CALN1: variants seen among roughly 807,000 people sequenced by gnomAD.
CALN1 encodes the protein calcium-binding protein 8.
CALN1 carries 17 observed loss-of-function variants against 30.6 expected under a neutral mutation model. The observed-to-expected ratio is 0.56, with a 90% confidence interval of 0.38 to 0.83. The LOEUF (loss-of-function observed/expected upper bound fraction) is 0.83. Among genes scored for constraint, CALN1 ranks in the 40% least tolerant of loss-of-function variants. The pLI is 0.00. For missense variants in CALN1, 291 were observed against 354.9 expected (o/e 0.82, Z 1.45); for synonymous variants, 156 against 131.4 (o/e 1.19, Z -1.28).
chr7:72,105,255 C>T (rs1009346597), intron 4 of CALN1, among the ~76,000 whole-genome samples: 4 of 152,158 alleles, frequency 2.6e-5, no homozygotes, highest in African/African-American at 9.7e-5. Context: ...TTAACTACAG[C>T]GGGACAGTTA....
intron 6 of CALN1, among the ~76,000 whole-genome samples, chr7:71,798,214 T>C (rs1262026342): frequency 6.7e-6 from 1 of 149,548 alleles, no homozygotes; most frequent in Non-Finnish European, 1.5e-5. Context: ...CACCCAAAGT[T>C]CATGCACTTG....
At chr7:71,874,279 T>TAA (rs57423286) in intron 5 of CALN1, among the ~76,000 whole-genome samples, 18,549 of 97,246 alleles carry the variant, frequency 0.19, 1,894 homozygotes, top group Non-Finnish European at 0.23. Context: ...TCTCAAACAT[T>TAA]AAAAAAAAAA....
chr7:72,336,463 G>A (rs1802045406), intron 2 of CALN1, among the ~76,000 whole-genome samples: 1 of 151,960 alleles, frequency 6.6e-6, no homozygotes, highest in Admixed American at 6.5e-5. Context: ...CAGGCAGGCG[G>A]CCAGGAGCCA....
intron 3 of CALN1, among the ~76,000 whole-genome samples, chr7:72,232,047 G>A (rs1794141697): frequency 6.6e-6 from 1 of 152,176 alleles, no homozygotes; most frequent in Admixed American, 6.5e-5. Flanking sequence ...ATGCAACTTG[G>A]AGATCCCCTA....
chr7:72,278,047 G>A (rs1797468785), intron 3 of CALN1, among the ~76,000 whole-genome samples: 1 of 125,712 alleles, frequency 8.0e-6, no homozygotes, highest in African/African-American at 2.7e-5. Flanking sequence ...TTAATTAGAG[G>A]ATTGGTTTAT....
In CALN1 at chr7:72,403,251, C is replaced by T; in HGVS notation, c.119G>A (p.Trp40Ter). 1 of 1,548,528 alleles carries T rather than the reference C, an allele frequency of 6.5e-7. No homozygotes were observed. The highest frequency in any genetic ancestry group is 1.2e-5 in the South Asian group (1 of 83,992). ...PRSQAPDFPT[W>*]EKMPFHHVTA... Reference sequence around the variant, plus strand: ...TTGGGTTTGGGGGAAGAAGACTTGCCAGGTGGGGAAGTCGGGGGCCTGGCT... The same window carrying T: ...TTGGGTTTGGGGGAAGAAGACTTGCTAGGTGGGGAAGTCGGGGGCCTGGCT... The change falls in exon 2 of 7, where the codon TGG becomes TAG. Residue 40 changes from tryptophan to a stop codon, truncating the protein, a stop_gained and splice_region_variant. Coordinates refer to ENST00000395275, the MANE Select transcript of CALN1 (RefSeq NM_031468.4). LOFTEE classifies it high-confidence loss of function.
chr7:72,446,329 CTT>C (rs1409108609), intron 1 of CALN1, among the ~76,000 whole-genome samples: 1 of 152,206 alleles, frequency 6.6e-6, no homozygotes, highest in Non-Finnish European at 1.5e-5. Flanking sequence ...AAATCTACTC[CTT>C]CTCTCTGCCA....
rs1408894990 is a variant in CALN1 at position 71,832,140 on chromosome 7, C to CT, written c.502-21649dup. 2.6e-5 allele frequency among the ~76,000 whole-genome samples: 4 copies of CT among 151,690 alleles called. No homozygotes were observed. In the South Asian group the frequency reaches 6.3e-4, roughly 24 times the overall value. On this transcript the variant is annotated intron_variant, in intron 5 of 6. Coordinates refer to ENST00000395275, the MANE Select transcript of CALN1 (RefSeq NM_031468.4). ...GTTCCTCGTGGCTAAAACACCCCTG[C>CT]TTTTTTTTGTTCTCATTTAAAGAAT...
In CALN1 at chr7:71,827,774, A is replaced by AT. The variant is rs1226864105; in HGVS notation, c.502-17283_502-17282insA. On this transcript the variant is annotated intron_variant, in intron 5 of 6. Transcript: ENST00000395275. ...GTGACAGAGTGAGACTCCATCTTAA[A>AT]AAAATAAATAAATAAATAAATAAAT... 6.8e-3 allele frequency among the ~76,000 whole-genome samples: 686 copies of AT among 100,162 alleles called. 5 individuals are homozygous for AT. The highest frequency in any genetic ancestry group is 0.018 in the African/African-American group (546 of 29,746). The allele number at this position is 100,162 out of a possible 152,430, so 65.7% of individuals were successfully genotyped here. A position where few individuals can be genotyped will look rare whatever the true frequency, so the allele number is the denominator to read the frequency against.
chr7:71,782,016 A>C lies in CALN1; in HGVS notation c.*5759T>G, dbSNP rs1392809193. On this transcript the variant is annotated 3_prime_UTR_variant, in exon 7 of 7. Transcript: ENST00000395275. ...TATGAAGAGTCCCAAATGAATATGAAGGAGAAACCACAGCTGTCAAAATGA... is the reference window on the plus strand; with the variant it reads ...TATGAAGAGTCCCAAATGAATATGACGGAGAAACCACAGCTGTCAAAATGA... 2.0e-5 allele frequency: 3 copies of C among 152,232 alleles called. No homozygotes were observed. The highest frequency in any genetic ancestry group is 4.4e-5 in the Non-Finnish European group (3 of 68,056). The allele number at this position is 152,232 out of a possible 1,614,324, so 9.4% of individuals were successfully genotyped here.
chr7:71,949,168 C>T (rs1469853260), intron 5 of CALN1, among the ~76,000 whole-genome samples: 1 of 151,024 alleles, frequency 6.6e-6, no homozygotes, highest in East Asian at 1.9e-4. Flanking sequence ...AGTAAGGAAG[C>T]GAATCCCTGA....
rs567033827 is a variant in CALN1 at position 71,781,834 on chromosome 7, G to A, written c.*5941C>T. 4 of 152,358 alleles carry A rather than the reference G, an allele frequency of 2.6e-5. No homozygotes were observed. In the South Asian group the frequency reaches 8.3e-4, roughly 32 times the overall value. 9.4% of individuals were successfully genotyped at this position (152,358 alleles called of 1,614,324 possible). On this transcript the variant is annotated 3_prime_UTR_variant, in exon 7 of 7. Coordinates refer to ENST00000395275, the MANE Select transcript of CALN1 (RefSeq NM_031468.4). Reference sequence around the variant, plus strand: ...ATGAACTACCCCAAGGTCAGGGTAGGGGCAGGTGGCCGGGCAAGCTTTTCC... The same window carrying A: ...ATGAACTACCCCAAGGTCAGGGTAGAGGCAGGTGGCCGGGCAAGCTTTTCC...
intron 2 of CALN1, among the ~76,000 whole-genome samples, chr7:72,346,939 T>C (rs1439614462): frequency 6.6e-6 from 1 of 152,142 alleles, no homozygotes; most frequent in Non-Finnish European, 1.5e-5. Flanking sequence ...TAGCGAACTT[T>C]AAAGAGGTCA....
chr7:72,176,298 G>A (rs1313831572), intron 3 of CALN1, among the ~76,000 whole-genome samples: 1 of 152,190 alleles, frequency 6.6e-6, no homozygotes, highest in Non-Finnish European at 1.5e-5. Context: ...CTTCCAGCCT[G>A]AAGATGCTAG....
At chr7:72,207,651 A>G (rs975175774) in intron 3 of CALN1, among the ~76,000 whole-genome samples, 21 of 152,188 alleles carry the variant, frequency 1.4e-4, no homozygotes, top group Non-Finnish European at 2.5e-4. Flanking sequence ...TGCCAAAAAT[A>G]TAAGCCTTGT....
intron 5 of CALN1, among the ~76,000 whole-genome samples, chr7:71,974,417 CAAAAAAAAAAAAAAAA>C (rs1052896558): frequency 5.4e-5 from 3 of 55,046 alleles, no homozygotes; most frequent in Admixed American, 5.4e-4. Flanking sequence ...GACTCCATCT[CAAAAAAAAAAAAAAAA>C]AAAAAAAAAG....
chr7:72,001,205 T>G (rs968976203), intron 5 of CALN1, among the ~76,000 whole-genome samples: 1 of 151,928 alleles, frequency 6.6e-6, no homozygotes. Flanking sequence ...AATGGACTCA[T>G]GTATATGCAC....
chr7:71,867,394 G>C (rs1487123144), intron 5 of CALN1, among the ~76,000 whole-genome samples: 2 of 151,960 alleles, frequency 1.3e-5, no homozygotes, highest in Non-Finnish European at 2.9e-5. Flanking sequence ...TGCATTTGGT[G>C]GTGTGTTGTG....
chr7:71,981,678 A>C (rs1798401947), intron 5 of CALN1, among the ~76,000 whole-genome samples: 1 of 151,930 alleles, frequency 6.6e-6, no homozygotes, highest in Non-Finnish European at 1.5e-5. Context: ...CAAAACCAAA[A>C]AAAAAAACAA....
Sources: gnomAD v4.1 joint callset for allele counts (sites outside exome capture counted in the v4.1 genomes callset) on GRCh38, gnomAD v4.1.1 for gene constraint, MANE v1.5 for transcripts, NCBI Gene and HGNC (gene_info 2026-07-23, HGNC 2026-07-21) for gene names.